Variants in NCOR2 observed in about 807,000 individuals in gnomAD.
NCOR2 encodes the protein CTG repeat protein 26.
A neutral mutation model predicts 262.9 loss-of-function variants in NCOR2; 81 were observed. The observed-to-expected ratio is 0.31, with a 90% CI of 0.26 to 0.37. The LOEUF is 0.37. Ranked by LOEUF, NCOR2 falls within the 10% of genes least tolerant of loss-of-function variation. The probability of loss-of-function intolerance (pLI) is 1.00; values close to 1 mark genes in which losing one functional copy is unlikely to be tolerated. For synonymous variants in NCOR2, 1,659 were observed against 1,559.3 expected, an observed-to-expected ratio of 1.06 and a Z score of -1.51; for missense variants, 3,385 against 3,621.4, an observed-to-expected ratio of 0.93 and a Z score of 1.68.
At chr12:124,364,207 C>A (rs80156466) in intron 20 of NCOR2, among the ~76,000 whole-genome samples, 3,347 of 152,352 alleles carry the variant, frequency 0.022, 120 homozygotes, top group African/African-American at 0.077. Context: ...CCACACCACA[C>A]GTGGCCCTTC....
At chr12:124,373,522 G>C (rs1243091014) in intron 19 of NCOR2, among the ~76,000 whole-genome samples, 2 of 102,024 alleles carry the variant, frequency 2.0e-5, no homozygotes, top group Non-Finnish European at 3.8e-5. Context: ...CAGGGGCCCC[G>C]GGCACAGTGG....
chr12:124,358,449 C>A (rs899508642), intron 22 of NCOR2, among the ~76,000 whole-genome samples: 2 of 152,022 alleles, frequency 1.3e-5, no homozygotes, highest in Non-Finnish European at 2.9e-5. Flanking sequence ...TTGTGGCGGG[C>A]AGTGGGGGGT....
intron 1 of NCOR2, among the ~76,000 whole-genome samples, chr12:124,510,242 C>G (rs987648805): frequency 1.3e-5 from 2 of 152,354 alleles, no homozygotes; most frequent in Admixed American, 1.3e-4. Flanking sequence ...CTTCTCCTCC[C>G]GACCTCCATG....
intron 1 of NCOR2, among the ~76,000 whole-genome samples, chr12:124,506,860 G>T (rs906543804): frequency 6.6e-6 from 1 of 152,208 alleles, no homozygotes; most frequent in Non-Finnish European, 1.5e-5. Flanking sequence ...GGGCTGTGAC[G>T]GCAGGAGAGA....
intron 15 of NCOR2, 33 bp from the exon 18 acceptor site, chr12:124,398,214 C>T: frequency 6.2e-7 from 1 of 1,612,590 alleles, no homozygotes; most frequent in Non-Finnish European, 8.5e-7. Context: ...TTGGCAGGAG[C>T]CGGGAGAGGA....
chr12:124,533,378 GCTTC>G (rs2050951283), intron 1 of NCOR2, among the ~76,000 whole-genome samples: 3 of 151,782 alleles, frequency 2.0e-5, no homozygotes, highest in African/African-American at 7.3e-5. Flanking sequence ...ATACCTACAT[GCTTC>G]CTTCCTCCCC....
Position 124,457,386 on chromosome 12 carries a change from G to C in NCOR2, c.706-224C>G, listed in dbSNP as rs2045935318. On this transcript the variant is annotated intron_variant, in intron 5 of 46. Transcript: ENST00000405201. This position sits in a 1 kb window ranked among gnomAD's most constrained non-coding sequence, Gnocchi z 4.0. Reference sequence around the variant, plus strand: ...ACAGCGGCCCCAGCAAGCCAGCCAAGTTTCGATTTTAGCAAATGCGCCGGG... The same window carrying C: ...ACAGCGGCCCCAGCAAGCCAGCCAACTTTCGATTTTAGCAAATGCGCCGGG... Among the ~76,000 whole-genome samples the C allele has an allele frequency of 6.6e-6, 1 of 151,856 alleles. No individual in the cohort carries two copies. Among genetic ancestry groups the C allele is most frequent in the Non-Finnish European group, 1.5e-5 (1 of 67,968 alleles).
rs147311234 is a variant in NCOR2, at chr12:124,486,872, T to A, written c.106-304A>T. Among the ~76,000 whole-genome samples the A allele has an allele frequency of 8.9e-3, 1,359 of 152,286 alleles. 19 individuals carry two copies. The highest frequency in any genetic ancestry group is 0.03 in the African/African-American group (1,258 of 41,568). On this transcript the variant is annotated intron_variant, in intron 1 of 46. Transcript: ENST00000405201. ...AGACTGCCAAGCCTGGGAGGTCTGATGGGGCTGTCTGAGGCCACAGGCTAA... is the reference window on the plus strand; with the variant it reads ...AGACTGCCAAGCCTGGGAGGTCTGAAGGGGCTGTCTGAGGCCACAGGCTAA...
chr12:124,355,929 G>C (rs1307136371), intron 23 of NCOR2, among the ~76,000 whole-genome samples: 1 of 152,180 alleles, frequency 6.6e-6, no homozygotes, highest in East Asian at 1.9e-4. Context: ...CACCCTCCCT[G>C]TGCTGTGTGC....
At position 124,354,945 on chromosome 12, in the gene NCOR2, G is replaced by A; in HGVS notation, c.3382-6C>T. The A allele has an allele frequency of 1.9e-6, 3 of 1,612,224 alleles. No individual in the cohort carries two copies. The highest frequency in any genetic ancestry group is 1.7e-6 in the Non-Finnish European group (2 of 1,179,168). On this transcript the variant is annotated splice_polypyrimidine_tract_variant and splice_region_variant and intron_variant, in intron 24 of 46. Coordinates refer to ENST00000405201, the Ensembl canonical transcript of NCOR2. The stretch of plus-strand genomic sequence containing the variant: ...TGGAGCTGGACCGACATTCCCTGTA[G>A]GGGCGGAGTTGTGGGGTCACAGGGG...
At chr12:124,361,449 T>C (rs1013961981) in intron 22 of NCOR2, among the ~76,000 whole-genome samples, 9 of 152,190 alleles carry the variant, frequency 5.9e-5, no homozygotes, top group Non-Finnish European at 8.8e-5. Context: ...GGGGCAGAGA[T>C]TGAAGATCCA....
rs770309726 is a variant in NCOR2 at position 124,531,378 on chromosome 12, C to T, written c.-118+4187G>A. On this transcript the variant is annotated intron_variant, in intron 1 of 46. Transcript: ENST00000404621. The surrounding 1 kb of genome is among the most constrained non-coding windows in gnomAD (Gnocchi z 4.5). ...CGGCAGGAGGGGCATCCCCCGGGCCCGATTAGCGGGCGGCCGCAGGCAGAC... is the reference window on the plus strand; with the variant it reads ...CGGCAGGAGGGGCATCCCCCGGGCCTGATTAGCGGGCGGCCGCAGGCAGAC... 3.8e-4 allele frequency among the ~76,000 whole-genome samples: 58 copies of T among 152,278 alleles called. No individual in the cohort carries two copies. The highest frequency in any genetic ancestry group is 8.3e-4 in the South Asian group (4 of 4,818).
upstream of NCOR2, among the ~76,000 whole-genome samples, chr12:124,540,033 C>T (rs761407671): frequency 2.0e-5 from 3 of 152,082 alleles, no homozygotes; most frequent in Non-Finnish European, 4.4e-5. Context: ...ACAGAGGGGA[C>T]AGACCCCCTG....
intron 17 of NCOR2, among the ~76,000 whole-genome samples, chr12:124,380,585 G>C (rs1379806840): frequency 6.6e-6 from 1 of 152,194 alleles, no homozygotes; most frequent in Non-Finnish European, 1.5e-5. Flanking sequence ...TGGGTTCTGC[G>C]GCTGCGGCCG....
At chr12:124,364,826 T>C (rs1379714044) in intron 20 of NCOR2, among the ~76,000 whole-genome samples, 1 of 152,198 alleles carries the variant, frequency 6.6e-6, no homozygotes, top group Non-Finnish European at 1.5e-5. Flanking sequence ...TCCTGCAACC[T>C]GCATTTGCTA....
intron 1 of NCOR2, among the ~76,000 whole-genome samples, chr12:124,486,803 A>C (rs2136828753): frequency 6.6e-6 from 1 of 152,286 alleles, no homozygotes; most frequent in South Asian, 2.1e-4. Flanking sequence ...CATCCTTCCC[A>C]CACAGCATCC....
intron 8 of NCOR2, among the ~76,000 whole-genome samples, chr12:124,433,887 C>CAT (rs1231864958): frequency 8.5e-6 from 1 of 117,194 alleles, no homozygotes; most frequent in Non-Finnish European, 1.7e-5. Context: ...CACACACACA[C>CAT]ACACACACAC....
chr12:124,438,108 C>A, intron 7 of NCOR2, 112 bp from the exon 10 acceptor site: 1 of 1,001,090 alleles, frequency 1.0e-6, no homozygotes. Context: ...TATTGGTTCT[C>A]AGGGAGATGA....
At chr12:124,416,047 G>A (rs1370963321) in intron 13 of NCOR2, among the ~76,000 whole-genome samples, 4 of 151,990 alleles carry the variant, frequency 2.6e-5, no homozygotes, top group Admixed American at 6.6e-5. Flanking sequence ...TTTCCAGCTC[G>A]TCATCAAAGA....
Sources: gnomAD v4.1 joint callset for allele counts (sites outside exome capture counted in the v4.1 genomes callset) on GRCh38, gnomAD v4.1.1 for gene constraint, Gnocchi (gnomAD v3.1) non-coding constraint, MANE v1.5 for transcripts, NCBI Gene and HGNC (gene_info 2026-07-23, HGNC 2026-07-21) for gene names.